Variants in REEP3 observed in about 807,000 individuals in gnomAD.
REEP3 encodes receptor accessory protein 3.
A neutral mutation model predicts 41.3 loss-of-function variants in REEP3; 20 were observed. The observed-to-expected ratio is 0.48, with a 90% CI of 0.34 to 0.70. The LOEUF is 0.70. Among genes scored for constraint, REEP3 ranks in the 30% least tolerant of loss-of-function variants. REEP3 has a pLI of 0.01. For synonymous variants in REEP3, 104 were observed against 101.8 expected (o/e 1.02, Z -0.13); for missense variants, 271 against 308.8 (o/e 0.88, Z 0.92).
chr10:63,592,975 T>C (rs1201685670), intron 2 of REEP3, among the ~76,000 whole-genome samples: 2 of 151,542 alleles, frequency 1.3e-5, no homozygotes, highest in Non-Finnish European at 2.9e-5. Flanking sequence ...TTGGAAGGAC[T>C]GAGGGAATGA....
chr10:63,554,922 T>C (rs1454959520), intron 1 of REEP3, among the ~76,000 whole-genome samples: 7 of 152,162 alleles, frequency 4.6e-5, no homozygotes, highest in African/African-American at 7.2e-5. Context: ...GGTAGGCCCT[T>C]GTGGTTGTAG....
chr10:63,601,397 C>T (rs1956170720), intron 5 of REEP3, among the ~76,000 whole-genome samples: 1 of 152,128 alleles, frequency 6.6e-6, no homozygotes, highest in South Asian at 2.1e-4. Flanking sequence ...CAGATATGCT[C>T]CCCAGAGCTA....
chr10:63,603,921 A>G (rs1441899053), intron 5 of REEP3, among the ~76,000 whole-genome samples: 1 of 152,254 alleles, frequency 6.6e-6, no homozygotes, highest in Non-Finnish European at 1.5e-5. Context: ...CAGACACTTC[A>G]TACTGAAGAG....
At chr10:63,526,314 A>G (rs1226411218) in intron 1 of REEP3, among the ~76,000 whole-genome samples, 1 of 152,076 alleles carries the variant, frequency 6.6e-6, no homozygotes, top group Non-Finnish European at 1.5e-5. Context: ...TTAATTTTAC[A>G]TTTAGATAAT....
intron 2 of REEP3, among the ~76,000 whole-genome samples, chr10:63,580,326 G>C (rs1167123744): frequency 6.6e-6 from 1 of 151,978 alleles, no homozygotes; most frequent in African/African-American, 2.4e-5. Context: ...TCTAGAGACG[G>C]GGGTCTCACT....
chr10:63,556,933 C>A (rs1398185050), intron 1 of REEP3, among the ~76,000 whole-genome samples: 1 of 152,070 alleles, frequency 6.6e-6, no homozygotes, highest in East Asian at 1.9e-4. Flanking sequence ...CCGCGCCCGG[C>A]CTTTGCTTGT....
Position 63,594,692 on chromosome 10 carries a change from T to A in REEP3, c.106-86T>A, listed in dbSNP as rs929623086. 77 of 848,422 alleles carry A rather than the reference T, an allele frequency of 9.1e-5. No homozygotes were observed. The African/African-American group carries it at 1.0e-3, about 11-fold the overall frequency. 52.6% of individuals were successfully genotyped at this position (848,422 alleles called of 1,614,324 possible). On this transcript the variant is annotated intron_variant, in intron 2 of 7. Transcript: ENST00000373758. ...TACATAATATGAAATTATTATGAAA[T>A]CCAGAAATACATACATACATACATA...
rs67364276 is a variant in REEP3 at position 63,603,312 on chromosome 10, C to CAA, written c.417+4050_417+4051dup. ...TGGGTGAGAGTGCAAGACTCTGTCT[C>CAA]AAAAAAAAAAAAAAAAAAAAAAGAC... On this transcript the variant is annotated intron_variant, in intron 5 of 7. Transcript: ENST00000373758. Among the ~76,000 whole-genome samples the CAA allele has an allele frequency of 5.3e-3, 331 of 62,046 alleles. 2 individuals are homozygous for CAA. The highest frequency in any genetic ancestry group is 0.015 in the East Asian group (29 of 1,934). 40.7% of individuals were successfully genotyped at this position (62,046 alleles called of 152,430 possible).
intron 1 of REEP3, among the ~76,000 whole-genome samples, chr10:63,550,765 G>A (rs1955621780): frequency 6.6e-6 from 1 of 152,114 alleles, no homozygotes; most frequent in Non-Finnish European, 1.5e-5. Flanking sequence ...GGATGTCAAG[G>A]CTAAGGACCT....
rs747110694 is a variant in REEP3, at chr10:63,620,804, T to C, written c.712-9T>C. ...CTAATTCTTAATAATAAAACATTTC[T>C]CTCTTCAGGTGCGGTACGGGTCACT... On this transcript the variant is annotated splice_polypyrimidine_tract_variant and intron_variant, in intron 7 of 7. Transcript: ENST00000373758. The C allele has an allele frequency of 3.2e-6, 5 of 1,579,188 alleles. No individual in the cohort carries two copies. Among genetic ancestry groups the C allele is most frequent in the Non-Finnish European group, 1.7e-6 (2 of 1,156,662 alleles).
intron 1 of REEP3, among the ~76,000 whole-genome samples, chr10:63,555,210 C>T (rs777088106): frequency 6.6e-6 from 1 of 152,042 alleles, no homozygotes; most frequent in Non-Finnish European, 1.5e-5. Flanking sequence ...TGGTTTTAAA[C>T]ATGGGGACCT....
chr10:63,555,742 T>G (rs1955672765), intron 1 of REEP3, among the ~76,000 whole-genome samples: 1 of 152,164 alleles, frequency 6.6e-6, no homozygotes, highest in South Asian at 2.1e-4. Context: ...TCATAATCAG[T>G]TTTAATCCAA....
In REEP3 at chr10:63,521,420, T is replaced by C. The variant is rs1225834820; in HGVS notation, c.-126T>C. ...GCGCGCACACACCGGGCCCGGCTCC[T>C]GAGGGCGCCAGCGCGGCCCCGGGGA... On this transcript the variant is annotated 5_prime_UTR_variant, in exon 1 of 8. Coordinates refer to ENST00000373758, the MANE Select transcript of REEP3 (RefSeq NM_001001330.3). The C allele has an allele frequency of 1.2e-4, 39 of 338,572 alleles. No homozygotes were observed. The highest frequency in any genetic ancestry group is 7.4e-4 in the African/African-American group (33 of 44,630). The allele number at this position is 338,572 out of a possible 1,614,324, so 21.0% of individuals were successfully genotyped here.
chr10:63,590,354 A>G (rs74137772), intron 2 of REEP3, among the ~76,000 whole-genome samples: 3,175 of 152,238 alleles, frequency 0.021, 107 homozygotes, highest in African/African-American at 0.071. Flanking sequence ...TGAATCAGTG[A>G]GTGTTATTTT....
chr10:63,537,961 C>G (rs913047411), intron 1 of REEP3, among the ~76,000 whole-genome samples: 22 of 143,108 alleles, frequency 1.5e-4, no homozygotes, highest in Admixed American at 7.1e-4. Context: ...CTTCCCCCCC[C>G]GACCCCCATT....
In REEP3 at chr10:63,623,703, T is replaced by A. The variant is rs1956372658; in HGVS notation, c.*2834T>A. Reference sequence around the variant, plus strand: ...CCTTATTGCTAAATAATTAATTATGTAAGCCCACCTAGGTCCTGCATAAGA... The same window carrying A: ...CCTTATTGCTAAATAATTAATTATGAAAGCCCACCTAGGTCCTGCATAAGA... On this transcript the variant is annotated 3_prime_UTR_variant, in exon 8 of 8. Transcript: ENST00000373758. 1 of 152,334 alleles carries A rather than the reference T, an allele frequency of 6.6e-6. No individual in the cohort carries two copies. Among genetic ancestry groups the A allele is most frequent in the Non-Finnish European group, 1.5e-5 (1 of 68,182 alleles). 9.4% of individuals were successfully genotyped at this position (152,334 alleles called of 1,614,324 possible).
rs151272278 is a variant in REEP3, at chr10:63,612,173, G to C, written c.565+1839G>C. On this transcript the variant is annotated intron_variant, in intron 6 of 7. Coordinates refer to ENST00000373758, the MANE Select transcript of REEP3 (RefSeq NM_001001330.3). ...TATTTTTATTTTTTTGTTTGTTTTT[G>C]TTGTTAATTTATTTATTTTGAGACA... Among the ~76,000 whole-genome samples the C allele has an allele frequency of 8.6e-4, 131 of 151,640 alleles. 4 individuals carry two copies. The East Asian group carries it at 0.023, about 27-fold the overall frequency.
chr10:63,534,250 A>AT (rs374483167), intron 1 of REEP3, among the ~76,000 whole-genome samples: 5,067 of 148,852 alleles, frequency 0.034, 113 homozygotes, highest in Middle Eastern at 0.059. Context: ...ATTATTTTTT[A>AT]TTTTTTTTTT....
At chr10:63,546,700 G>T (rs935509491) in intron 1 of REEP3, among the ~76,000 whole-genome samples, 8 of 152,168 alleles carry the variant, frequency 5.3e-5, no homozygotes, top group Non-Finnish European at 8.8e-5. Flanking sequence ...TCTAGAAAGT[G>T]ACCCATACAT....
Sources: gnomAD v4.1 joint callset for allele counts (sites outside exome capture counted in the v4.1 genomes callset) on GRCh38, gnomAD v4.1.1 for gene constraint, MANE v1.5 for transcripts, NCBI Gene and HGNC (gene_info 2026-07-23, HGNC 2026-07-21) for gene names.